Variants in FRK observed in about 807,000 individuals in gnomAD.
FRK encodes tyrosine-protein kinase FRK.
A neutral mutation model predicts 56.4 loss-of-function variants in FRK; 51 were observed. That is an observed-to-expected ratio of 0.90 (90% CI 0.72 to 1.14). The LOEUF (loss-of-function observed/expected upper bound fraction) is 1.14. FRK is among the 50% of genes most tolerant of loss of function. The probability of loss-of-function intolerance (pLI) is 0.00; values close to 1 mark genes in which losing one functional copy is unlikely to be tolerated. For synonymous variants in FRK, 245 were observed against 217.9 expected (o/e 1.12, Z -1.10); for missense variants, 570 against 601.4 (o/e 0.95, Z 0.55).
At chr6:116,052,894 C>T (rs1322842176) in intron 1 of FRK, among the ~76,000 whole-genome samples, 13 of 152,006 alleles carry the variant, frequency 8.6e-5, no homozygotes, top group African/African-American at 3.1e-4. Context: ...AGAGGAGCTG[C>T]CAACTAAATG....
At chr6:116,092,690 T>C in the FRK span, among the ~76,000 whole-genome samples, 6 of 152,194 alleles carry the variant, frequency 3.9e-5, no homozygotes, top group Non-Finnish European at 8.8e-5. Context: ...TTGTGGGTTC[T>C]TGAGCAAGAA....
At chr6:115,995,701 T>C (rs1466723657) in intron 2 of FRK, among the ~76,000 whole-genome samples, 16 of 152,282 alleles carry the variant, frequency 1.1e-4, no homozygotes, top group Non-Finnish European at 2.2e-4. Context: ...ACCAGTGCCC[T>C]AGAGGAAAAG....
chr6:115,976,570 G>T (rs1323917645), intron 2 of FRK, among the ~76,000 whole-genome samples: 1 of 152,054 alleles, frequency 6.6e-6, no homozygotes, highest in African/African-American at 2.4e-5. Context: ...GGCATCATCT[G>T]GGCATAGCCT....
At chr6:116,028,664 G>T (rs905073548) in intron 1 of FRK, among the ~76,000 whole-genome samples, 5 of 152,056 alleles carry the variant, frequency 3.3e-5, no homozygotes, top group African/African-American at 1.2e-4. Flanking sequence ...TTCTTCCTGT[G>T]TGTATGTCTG....
rs1023820627 is a variant in FRK at position 116,026,518 on chromosome 6, G to A, written c.345-22520C>T. 2.4e-4 allele frequency among the ~76,000 whole-genome samples: 33 copies of A among 137,348 alleles called. 1 individual carries two copies. Among genetic ancestry groups the A allele is most frequent in the African/African-American group, 9.1e-4 (33 of 36,420 alleles). 90.1% of individuals were successfully genotyped at this position (137,348 alleles called of 152,430 possible). A position where few individuals can be genotyped will look rare whatever the true frequency, so the allele number is the denominator to read the frequency against. Reference sequence around the variant, plus strand: ...AAGGAAGGAAGGAAGGAAGGAGGGAGGGAGGGAGGGGGGAAGGGAGGAAAG... The same window carrying A: ...AAGGAAGGAAGGAAGGAAGGAGGGAAGGAGGGAGGGGGGAAGGGAGGAAAG... On this transcript the variant is annotated intron_variant, in intron 1 of 7. Transcript: ENST00000606080.
intron 1 of FRK, among the ~76,000 whole-genome samples, chr6:116,023,087 A>G (rs562342830): frequency 1.4e-3 from 216 of 152,226 alleles, no homozygotes; most frequent in Non-Finnish European, 2.1e-3. Flanking sequence ...AGGAAATGCA[A>G]ATTAAAACCA....
At chr6:116,048,023 T>G (rs1309658035) in intron 1 of FRK, among the ~76,000 whole-genome samples, 2 of 152,236 alleles carry the variant, frequency 1.3e-5, no homozygotes, top group South Asian at 2.1e-4. Context: ...GCTATTTAAA[T>G]CTAAAGACTT....
At chr6:116,062,804 T>C (rs1173441166), upstream of FRK, among the ~76,000 whole-genome samples, 1 of 152,220 alleles carries the variant, frequency 6.6e-6, no homozygotes, top group Admixed American at 6.5e-5. Flanking sequence ...CTCCAAGTCT[T>C]GCAGTTATCT....
intron 1 of FRK, among the ~76,000 whole-genome samples, chr6:116,038,493 G>A (rs1393486547): frequency 6.6e-6 from 1 of 152,132 alleles, no homozygotes; most frequent in African/African-American, 2.4e-5. Context: ...TTATGAATAA[G>A]CATTAGCTGG....
In FRK at chr6:116,004,923, A is replaced by G. The variant is rs547738000; in HGVS notation, c.345-925T>C. Among the ~76,000 whole-genome samples the G allele has an allele frequency of 9.5e-4, 145 of 152,284 alleles. 2 individuals carry two copies. Among genetic ancestry groups the G allele is most frequent in the African/African-American group, 3.4e-3 (142 of 41,572 alleles). ...TTTTAGGTAAAACATTGATCTTTTC[A>G]GGTAACTTCTTTAAAAATGTAAACA... is the stretch of plus-strand genomic sequence containing the variant. On this transcript the variant is annotated intron_variant, in intron 1 of 7. Coordinates refer to ENST00000606080, the MANE Select transcript of FRK (RefSeq NM_002031.3).
At chr6:115,975,944 T>C (rs532671717) in intron 2 of FRK, among the ~76,000 whole-genome samples, 2 of 152,244 alleles carry the variant, frequency 1.3e-5, no homozygotes, top group East Asian at 3.9e-4. Context: ...AAGAACTCAG[T>C]TATTCTGCAC....
intron 4 of FRK, among the ~76,000 whole-genome samples, chr6:115,958,669 A>G (rs1562257113): frequency 3.2e-4 from 1 of 3,084 alleles, no homozygotes; most frequent in Non-Finnish European, 6.5e-4. Context: ...AGAAAGAAAG[A>G]AAGAAAGAAA....
At chr6:116,031,023 T>C (rs1412783076) in intron 1 of FRK, among the ~76,000 whole-genome samples, 1 of 152,122 alleles carries the variant, frequency 6.6e-6, no homozygotes, top group Non-Finnish European at 1.5e-5. Flanking sequence ...CTCAGATTCT[T>C]GGACTCTATC....
the FRK span, among the ~76,000 whole-genome samples, chr6:116,080,225 G>A: frequency 2.0e-5 from 3 of 152,050 alleles, no homozygotes; most frequent in South Asian, 2.1e-4. Context: ...GCATGATTGC[G>A]GCTCACTGCA....
At chr6:116,031,431 T>A (rs1375444944) in intron 1 of FRK, among the ~76,000 whole-genome samples, 1 of 152,142 alleles carries the variant, frequency 6.6e-6, no homozygotes, top group African/African-American at 2.4e-5. Context: ...TTCAGTGAAT[T>A]TCAGAGAGGA....
Position 116,000,223 on chromosome 6 carries a change from C to CTTTTTTTTTTT in FRK, c.466+3643_466+3653dup, listed in dbSNP as rs561273499. On this transcript the variant is annotated intron_variant, in intron 2 of 7. Transcript: ENST00000606080. Reference sequence around the variant, plus strand: ...TTTCCTCATGAAAATATCATTCTTTCTTTTTTTTTTTTTTTTTTTTTTTTT... The same window carrying CTTTTTTTTTTT: ...TTTCCTCATGAAAATATCATTCTTTCTTTTTTTTTTTTTTTTTTTTTTTTTTTTTTTTTTTT... 2.9e-3 allele frequency among the ~76,000 whole-genome samples: 154 copies of CTTTTTTTTTTT among 53,062 alleles called. 28 individuals carry two copies. The highest frequency in any genetic ancestry group is 6.8e-3 in the African/African-American group (75 of 11,090). 34.8% of individuals were successfully genotyped at this position (53,062 alleles called of 152,430 possible). A position where few individuals can be genotyped will look rare whatever the true frequency, so the allele number is the denominator to read the frequency against.
intron 2 of FRK, among the ~76,000 whole-genome samples, chr6:115,984,823 G>A (rs982889162): frequency 4.0e-5 from 6 of 150,898 alleles, no homozygotes; most frequent in Admixed American, 6.6e-5. Context: ...ATCCACTTCT[G>A]TTGTGAACTT....
intron 1 of FRK, among the ~76,000 whole-genome samples, chr6:116,058,772 G>T (rs375124124): frequency 8.0e-4 from 122 of 152,164 alleles, no homozygotes; most frequent in African/African-American, 2.9e-3. Context: ...TTAGCCGGGC[G>T]TGGTGGCAGG....
intron 1 of FRK, among the ~76,000 whole-genome samples, chr6:116,015,542 C>T (rs1291728900): frequency 2.0e-5 from 3 of 152,122 alleles, no homozygotes; most frequent in Non-Finnish European, 2.9e-5. Flanking sequence ...AACTAGGTAA[C>T]AGGCAGATGT....
Sources: allele counts gnomAD v4.1 joint callset (sites outside exome capture counted in the v4.1 genomes callset), GRCh38; gene constraint gnomAD v4.1.1; transcripts MANE v1.5; gene names NCBI Gene and HGNC (gene_info 2026-07-23, HGNC 2026-07-21).